LAMA2: variants seen among roughly 807,000 people sequenced by gnomAD.
The protein encoded by LAMA2 is laminin subunit alpha-2.
In LAMA2, 269 loss-of-function variants were observed where a neutral mutation model predicts 364.8. That is an observed-to-expected ratio of 0.74 (90% CI 0.67 to 0.82). The LOEUF (loss-of-function observed/expected upper bound fraction) is 0.82. LAMA2 is among the 40% of genes least tolerant of loss of function. LAMA2 has a pLI of 0.00. For synonymous variants in LAMA2, 1,379 were observed against 1,370.6 expected, an observed-to-expected ratio of 1.01 and a Z score of -0.14; for missense variants, 3,807 against 3,873.2, an observed-to-expected ratio of 0.98 and a Z score of 0.45.
At chr6:129,241,860 T>C (rs1336216422) in intron 12 of LAMA2, among the ~76,000 whole-genome samples, 1 of 152,156 alleles carries the variant, frequency 6.6e-6, no homozygotes, top group African/African-American at 2.4e-5. Flanking sequence ...ACAACCACTT[T>C]CTACTGCTGT....
At chr6:128,937,361 A>G (rs1779889361) in intron 1 of LAMA2, among the ~76,000 whole-genome samples, 1 of 152,114 alleles carries the variant, frequency 6.6e-6, no homozygotes. Flanking sequence ...TTAGCATTGT[A>G]TAATAGTTAC....
intron 1 of LAMA2, among the ~76,000 whole-genome samples, chr6:128,921,072 G>T (rs1778680087): frequency 6.6e-6 from 1 of 152,094 alleles, no homozygotes; most frequent in African/African-American, 2.4e-5. Flanking sequence ...TATCTTGCCT[G>T]CAATGTACAA....
At chr6:129,410,431 T>G (rs1169427956) in intron 40 of LAMA2, among the ~76,000 whole-genome samples, 3 of 152,208 alleles carry the variant, frequency 2.0e-5, no homozygotes, top group Non-Finnish European at 4.4e-5. Context: ...TTGTAAAACT[T>G]TCTCTCTGTC....
chr6:128,990,798 GT>G (rs1260755621), intron 1 of LAMA2, among the ~76,000 whole-genome samples: 6 of 151,960 alleles, frequency 3.9e-5, no homozygotes, highest in Non-Finnish European at 8.8e-5. Flanking sequence ...AACTAAAAAT[GT>G]TTTTAATTGA....
At chr6:129,326,728 A>T (rs1775315542) in intron 28 of LAMA2, among the ~76,000 whole-genome samples, 1 of 145,120 alleles carries the variant, frequency 6.9e-6, no homozygotes, top group Non-Finnish European at 1.5e-5. Flanking sequence ...TATATATTAT[A>T]TATATTTTAT....
At chr6:129,342,206 A>C (rs1776304034) in intron 29 of LAMA2, 137 bp from the exon 30 acceptor site, 2 of 707,070 alleles carry the variant, frequency 2.8e-6, no homozygotes, top group African/African-American at 3.5e-5. Flanking sequence ...TCAGTGATAA[A>C]GTGTGTGTGT....
chr6:129,029,311 A>G (rs897409102), intron 1 of LAMA2, among the ~76,000 whole-genome samples: 18 of 152,006 alleles, frequency 1.2e-4, no homozygotes, highest in African/African-American at 4.3e-4. Context: ...TTAAAATACT[A>G]GAGAGTATAA....
intron 44 of LAMA2, among the ~76,000 whole-genome samples, chr6:129,445,417 T>G (rs1782315802): frequency 6.6e-6 from 1 of 152,190 alleles, no homozygotes; most frequent in Non-Finnish European, 1.5e-5. Flanking sequence ...TTCTCTACCT[T>G]CAATGCTAAT....
chr6:129,200,815 A>G (rs546250860), intron 12 of LAMA2, among the ~76,000 whole-genome samples: 2 of 152,288 alleles, frequency 1.3e-5, no homozygotes, highest in South Asian at 4.1e-4. Flanking sequence ...ATTGCAGATC[A>G]ATGACAATGG....
chr6:129,472,262 C>T (rs1055489363), intron 51 of LAMA2, among the ~76,000 whole-genome samples: 4 of 151,856 alleles, frequency 2.6e-5, no homozygotes, highest in African/African-American at 9.7e-5. Context: ...GTTCAAATGC[C>T]CATTTTCAAA....
chr6:129,268,843 C>T (rs555052779), intron 16 of LAMA2, among the ~76,000 whole-genome samples: 3 of 152,122 alleles, frequency 2.0e-5, no homozygotes, highest in South Asian at 4.2e-4. Context: ...GTAGGATATA[C>T]TGACTTTCAA....
chr6:129,379,489 G>A (rs867760260), intron 34 of LAMA2, among the ~76,000 whole-genome samples: 106 of 152,054 alleles, frequency 7.0e-4, no homozygotes, highest in African/African-American at 2.4e-3. Flanking sequence ...GATGCTTTTG[G>A]TGCCGGGAAC....
At chr6:128,904,154 T>C (rs1777264823) in intron 1 of LAMA2, among the ~76,000 whole-genome samples, 1 of 152,130 alleles carries the variant, frequency 6.6e-6, no homozygotes, top group Admixed American at 6.5e-5. Flanking sequence ...ACTCACTAGG[T>C]CTTGTGCACC....
At chr6:129,066,340 C>G (rs550743383) in intron 3 of LAMA2, among the ~76,000 whole-genome samples, 1 of 152,020 alleles carries the variant, frequency 6.6e-6, no homozygotes, top group Non-Finnish European at 1.5e-5. Context: ...CCACCGCGCC[C>G]GGCCTCAGGT....
intron 1 of LAMA2, among the ~76,000 whole-genome samples, chr6:128,912,078 A>G: frequency 6.6e-6 from 1 of 152,218 alleles, no homozygotes; most frequent in East Asian, 1.9e-4. Context: ...GTTTTTAATT[A>G]TCATGAATAA....
chr6:128,899,839 G>A (rs954790863), intron 1 of LAMA2, among the ~76,000 whole-genome samples: 1 of 152,072 alleles, frequency 6.6e-6, no homozygotes. Flanking sequence ...TTTGGATAAG[G>A]AATGCATATT....
At chr6:129,203,783 G>A (rs1018710294) in intron 12 of LAMA2, among the ~76,000 whole-genome samples, 2 of 152,104 alleles carry the variant, frequency 1.3e-5, no homozygotes, top group Non-Finnish European at 2.9e-5. Flanking sequence ...TGATTCAAAT[G>A]CTGGATCTCT....
intron 62 of LAMA2, among the ~76,000 whole-genome samples, chr6:129,511,375 T>C (rs1483350555): frequency 2.0e-5 from 3 of 152,122 alleles, no homozygotes; most frequent in African/African-American, 2.4e-5. Context: ...CAGCTTCTTC[T>C]ACCCTTTACT....
chr6:129,369,186 C>T (rs1466474628), intron 33 of LAMA2, among the ~76,000 whole-genome samples: 1 of 152,030 alleles, frequency 6.6e-6, no homozygotes, highest in Non-Finnish European at 1.5e-5. Flanking sequence ...TCATATTAGC[C>T]AGGAAATGGG....
Sources: gnomAD v4.1 joint callset for allele counts (sites outside exome capture counted in the v4.1 genomes callset) on GRCh38, gnomAD v4.1.1 for gene constraint, MANE v1.5 for transcripts, NCBI Gene and HGNC (gene_info 2026-07-23, HGNC 2026-07-21) for gene names.